EIF2B3: variants seen among roughly 807,000 people sequenced by gnomAD.
EIF2B3 encodes translation initiation factor eIF2B subunit gamma.
A neutral mutation model predicts 54.1 loss-of-function variants in EIF2B3; 20 were observed. That is an observed-to-expected ratio of 0.37 (90% CI 0.26 to 0.54). EIF2B3 has a LOEUF of 0.54. EIF2B3 is among the 20% of genes least tolerant of loss of function. The pLI, the probability that EIF2B3 is intolerant of heterozygous loss-of-function variation, is 0.86. For synonymous variants in EIF2B3, 153 were observed against 188.1 expected (o/e 0.81, Z 1.52); for missense variants, 448 against 547.8 (o/e 0.82, Z 1.82).
At chr1:44,885,752 A>T (rs538260099) in intron 6 of EIF2B3, among the ~76,000 whole-genome samples, 4 of 146,694 alleles carry the variant, frequency 2.7e-5, no homozygotes, top group African/African-American at 1.0e-4. Flanking sequence ...ACTGTAAAGA[A>T]TTTTTTTTTT....
intron 5 of EIF2B3, among the ~76,000 whole-genome samples, chr1:44,914,827 T>G (rs1030955327): frequency 1.3e-4 from 20 of 152,126 alleles, no homozygotes; most frequent in Admixed American, 1.2e-3. Flanking sequence ...TGGCTGGGAC[T>G]ACAAGTTCCC....
At chr1:44,893,638 T>C (rs1655874427) in intron 6 of EIF2B3, among the ~76,000 whole-genome samples, 1 of 138,786 alleles carries the variant, frequency 7.2e-6, no homozygotes, top group Non-Finnish European at 1.5e-5. Context: ...TGGTACACAG[T>C]AGGTGGTTAA....
At chr1:44,936,979 C>T (rs1256506653) in intron 4 of EIF2B3, among the ~76,000 whole-genome samples, 1 of 152,170 alleles carries the variant, frequency 6.6e-6, no homozygotes, top group East Asian at 1.9e-4. Context: ...TGCCCAAAAT[C>T]CCACAGCTTT....
At chr1:44,872,659 CA>C (rs539176993) in intron 10 of EIF2B3, among the ~76,000 whole-genome samples, 1 of 151,608 alleles carries the variant, frequency 6.6e-6, no homozygotes, top group Non-Finnish European at 1.5e-5. Flanking sequence ...TGAAAAAAAA[CA>C]AAAAAACACT....
At chr1:44,925,896 C>T (rs1643841307) in intron 5 of EIF2B3, among the ~76,000 whole-genome samples, 2 of 150,026 alleles carry the variant, frequency 1.3e-5, no homozygotes, top group African/African-American at 2.5e-5. Context: ...TGCATTCCAG[C>T]CTGGGCAACA....
intron 5 of EIF2B3, among the ~76,000 whole-genome samples, chr1:44,912,767 G>T (rs1255737668): frequency 9.9e-5 from 15 of 152,108 alleles, no homozygotes. Flanking sequence ...GATATCCCTT[G>T]CTATTGTTTG....
At position 44,857,780 on chromosome 1, in the gene EIF2B3, G is replaced by A. The variant is rs1361651465; in HGVS notation, c.1230C>T (p.Cys410=). 6.2e-7 allele frequency: 1 copy of A among 1,614,114 alleles called. No individual in the cohort carries two copies. Among genetic ancestry groups the A allele is most frequent in the East Asian group, 2.2e-5 (1 of 44,880 alleles). The change falls in exon 11 of 12, where the codon TGC becomes TGT. Residue 410 remains cysteine (C), a synonymous_variant. Coordinates refer to ENST00000360403, the MANE Select transcript of EIF2B3 (RefSeq NM_020365.5). ...CACCCTTCTCGATCACAGCATTGTT[G>A]CAGATGACACTGCCTTGGATATTGC... ...EGSNIQGSVI[C]NNAVIEKGAD... is the part of the protein sequence containing the mutation.
intron 2 of EIF2B3, among the ~76,000 whole-genome samples, chr1:44,980,308 CA>C (rs766364522): frequency 6.6e-6 from 1 of 151,962 alleles, no homozygotes; most frequent in Non-Finnish European, 1.5e-5. Context: ...ACTAAAAATA[CA>C]AAAACTTAGC....
At chr1:44,958,795 T>C (rs373152447) in intron 3 of EIF2B3, 28 of 1,339,380 alleles carry the variant, frequency 2.1e-5, no homozygotes, top group Admixed American at 2.0e-4. Context: ...TTGGCAGGAC[T>C]GCGACAAGAG....
chr1:44,982,498 A>G (rs1217033852), intron 1 of EIF2B3, among the ~76,000 whole-genome samples: 2 of 151,968 alleles, frequency 1.3e-5, no homozygotes, highest in Non-Finnish European at 2.9e-5. Context: ...GGGTTTCACC[A>G]TGTTGGCCAG....
intron 2 of EIF2B3, among the ~76,000 whole-genome samples, chr1:44,979,023 T>A (rs1055022320): frequency 1.3e-5 from 2 of 151,870 alleles, no homozygotes; most frequent in Non-Finnish European, 2.9e-5. Flanking sequence ...CAGTGGCTCA[T>A]GCCTGTAAAT....
chr1:44,879,526 T>G (rs1203316003), intron 8 of EIF2B3, among the ~76,000 whole-genome samples: 1 of 152,186 alleles, frequency 6.6e-6, no homozygotes, highest in African/African-American at 2.4e-5. Context: ...GATATCCCCA[T>G]GCTGAACAGA....
Position 44,881,750 on chromosome 1 carries a change from A to C in EIF2B3, c.657-11T>G. The C allele has an allele frequency of 6.2e-7, 1 of 1,613,942 alleles. No homozygotes were observed. Among genetic ancestry groups the C allele is most frequent in the Non-Finnish European group, 8.5e-7 (1 of 1,179,852 alleles). On this transcript the variant is annotated splice_polypyrimidine_tract_variant and intron_variant, in intron 6 of 11. Coordinates refer to ENST00000360403, the MANE Select transcript of EIF2B3 (RefSeq NM_020365.5). The surrounding 1 kb of genome is among the most constrained non-coding windows in gnomAD (Gnocchi z 4.0). The stretch of plus-strand genomic sequence containing the variant: ...ATAGAAGTTATTGACCTAGAAAGAA[A>C]GAATGGCCAAATATGAGAAACCTGA...
intron 10 of EIF2B3, chr1:44,863,309 C>T (rs1012300898): frequency 6.6e-6 from 1 of 152,194 alleles, no homozygotes; most frequent in African/African-American, 2.4e-5. Flanking sequence ...AGCCTCCTAA[C>T]CTAAGCCCTT....
chr1:44,868,926 G>T (rs1333488950), intron 10 of EIF2B3, among the ~76,000 whole-genome samples: 1 of 152,182 alleles, frequency 6.6e-6, no homozygotes, highest in Non-Finnish European at 1.5e-5. Flanking sequence ...AGTTCAGCTG[G>T]ATGACTTCTA....
chr1:44,871,199 T>C (rs947196543), intron 10 of EIF2B3, among the ~76,000 whole-genome samples: 10 of 152,244 alleles, frequency 6.6e-5, no homozygotes, highest in Admixed American at 5.9e-4. Context: ...TAATTTCTCT[T>C]TGACCTCATA....
intron 10 of EIF2B3, among the ~76,000 whole-genome samples, chr1:44,858,305 G>A (rs1276918926): frequency 6.6e-6 from 1 of 151,838 alleles, no homozygotes; most frequent in Non-Finnish European, 1.5e-5. Flanking sequence ...TTGGTCTGGG[G>A]CTGGTCCTTA....
chr1:44,978,301 A>G lies in EIF2B3; in HGVS notation c.294+14T>C. ...TCTTCAATAAACAAGAAGAGTCAAAAAATTGCTTTTCACCTTAAGTTTTGG... is the reference window on the plus strand; with the variant it reads ...TCTTCAATAAACAAGAAGAGTCAAAGAATTGCTTTTCACCTTAAGTTTTGG... On this transcript the variant is annotated intron_variant, in intron 3 of 11. Coordinates refer to ENST00000360403, the MANE Select transcript of EIF2B3 (RefSeq NM_020365.5). The G allele has an allele frequency of 6.2e-7, 1 of 1,613,830 alleles. No homozygotes were observed. Among genetic ancestry groups the G allele is most frequent in the Non-Finnish European group, 8.5e-7 (1 of 1,179,920 alleles).
chr1:44,890,016 C>A (rs1038572604), intron 6 of EIF2B3, among the ~76,000 whole-genome samples: 2 of 152,172 alleles, frequency 1.3e-5, no homozygotes, highest in African/African-American at 4.8e-5. Flanking sequence ...TGGCTAATGG[C>A]AGTTATCAGG....
Sources: gnomAD v4.1 joint callset for allele counts (sites outside exome capture counted in the v4.1 genomes callset) on GRCh38, gnomAD v4.1.1 for gene constraint, Gnocchi (gnomAD v3.1) non-coding constraint, MANE v1.5 for transcripts, NCBI Gene and HGNC (gene_info 2026-07-23, HGNC 2026-07-21) for gene names.